Variants in PLA2G4A observed in about 807,000 individuals in gnomAD.
PLA2G4A encodes phospholipase A2 group IVA, also known as cytosolic phospholipase A2.
In PLA2G4A, 40 loss-of-function variants were observed where a neutral mutation model predicts 81.9. The ratio of observed to expected loss-of-function variants is 0.49; its 90% CI spans 0.38 to 0.64. The LOEUF (loss-of-function observed/expected upper bound fraction) is 0.64, where lower values mean the gene tolerates loss of function less well. Ranked by LOEUF, PLA2G4A falls within the 30% of genes least tolerant of loss-of-function variation. The pLI is 0.00. For missense variants in PLA2G4A, 715 were observed against 905.1 expected (o/e 0.79, Z 2.69); for synonymous variants, 302 against 296.9 (o/e 1.02, Z -0.18).
intron 5 of PLA2G4A, among the ~76,000 whole-genome samples, chr1:186,895,346 T>C (rs1331066651): frequency 6.6e-6 from 1 of 152,242 alleles, no homozygotes; most frequent in Non-Finnish European, 1.5e-5. Context: ...GAGGATGCTC[T>C]GGTCCATGCA....
At chr1:186,922,605 C>T (rs530434530) in intron 7 of PLA2G4A, among the ~76,000 whole-genome samples, 1 of 152,166 alleles carries the variant, frequency 6.6e-6, no homozygotes, top group Non-Finnish European at 1.5e-5. Context: ...ACAGGGCAGG[C>T]CTAAGCCACC....
chr1:186,951,089 T>A (rs1008702093), intron 13 of PLA2G4A, among the ~76,000 whole-genome samples: 3 of 152,148 alleles, frequency 2.0e-5, no homozygotes, highest in African/African-American at 7.2e-5. Flanking sequence ...ATTAACATTT[T>A]GTCTTTCAGA....
intron 5 of PLA2G4A, among the ~76,000 whole-genome samples, chr1:186,904,909 C>T (rs571118689): frequency 6.6e-6 from 1 of 152,064 alleles, no homozygotes; most frequent in East Asian, 1.9e-4. Context: ...GGCTGGAGTA[C>T]AGTGGCGCGA....
At chr1:186,910,304 A>T (rs1654895255) in intron 6 of PLA2G4A, among the ~76,000 whole-genome samples, 1 of 152,180 alleles carries the variant, frequency 6.6e-6, no homozygotes, top group Non-Finnish European at 1.5e-5. Flanking sequence ...AATGGTAAAG[A>T]GACAAATATT....
intron 1 of PLA2G4A, among the ~76,000 whole-genome samples, chr1:186,838,990 G>T (rs899485126): frequency 2.6e-5 from 4 of 152,034 alleles, no homozygotes; most frequent in Middle Eastern, 6.8e-3. Context: ...AGAACAGCTG[G>T]TTACCATAAT....
chr1:186,877,972 C>G (rs1653566863), intron 3 of PLA2G4A, among the ~76,000 whole-genome samples: 1 of 150,214 alleles, frequency 6.7e-6, no homozygotes, highest in South Asian at 2.1e-4. Context: ...GGAAATTTTA[C>G]AACACCTTTG....
At chr1:186,893,566 A>G (rs892641927) in intron 4 of PLA2G4A, among the ~76,000 whole-genome samples, 3 of 152,168 alleles carry the variant, frequency 2.0e-5, no homozygotes, top group Non-Finnish European at 2.9e-5. Context: ...GTTTTTGAAA[A>G]CATGATAATT....
intron 3 of PLA2G4A, among the ~76,000 whole-genome samples, chr1:186,889,773 A>T (rs978141679): frequency 6.6e-6 from 1 of 151,930 alleles, no homozygotes; most frequent in Non-Finnish European, 1.5e-5. Context: ...TTTTGTTTAG[A>T]CCTCTGTACT....
chr1:186,908,321 A>T (rs1292286125), intron 6 of PLA2G4A, among the ~76,000 whole-genome samples: 1 of 152,030 alleles, frequency 6.6e-6, no homozygotes, highest in Non-Finnish European at 1.5e-5. Context: ...CTGTTCAAAA[A>T]TTTTTTAAAA....
chr1:186,970,069 A>C (rs1657284551), intron 15 of PLA2G4A, among the ~76,000 whole-genome samples: 1 of 151,848 alleles, frequency 6.6e-6, no homozygotes, highest in South Asian at 2.1e-4. Context: ...CCTCATCAAC[A>C]CTTGTTATTT....
At chr1:186,944,870 A>C (rs6683619) in intron 10 of PLA2G4A, among the ~76,000 whole-genome samples, 96,018 of 152,000 alleles carry the variant, frequency 0.63, 33,162 homozygotes, top group Non-Finnish European at 0.76. Context: ...ATTGAGTGGG[A>C]TAAATGAATT....
chr1:186,862,020 T>A (rs931893597), intron 2 of PLA2G4A, among the ~76,000 whole-genome samples: 18 of 149,880 alleles, frequency 1.2e-4, no homozygotes, highest in African/African-American at 4.4e-4. Flanking sequence ...ATTATTAACA[T>A]GAGTGTAGAA....
chr1:186,910,913 G>A lies in PLA2G4A; in HGVS notation c.417-335G>A, dbSNP rs140499006. Among the ~76,000 whole-genome samples, 130 of 152,310 alleles carry A rather than the reference G, an allele frequency of 8.5e-4. 2 individuals are homozygous for A. The highest frequency in any genetic ancestry group is 3.0e-3 in the African/African-American group (123 of 41,574). ...GGAATTCTTGGTCAAGTAAGTTTGG[G>A]ATATCCTGTGCCAAACAAATATAAA... On this transcript the variant is annotated intron_variant, in intron 6 of 17. Coordinates refer to ENST00000367466, the MANE Select transcript of PLA2G4A (RefSeq NM_024420.3).
At chr1:186,937,435 A>G (rs112568781) in intron 8 of PLA2G4A, among the ~76,000 whole-genome samples, 10,779 of 138,862 alleles carry the variant, frequency 0.078, 526 homozygotes, top group Middle Eastern at 0.14. Flanking sequence ...CAAGTATTCA[A>G]AGCTGCATTT....
chr1:186,841,051 TTTA>T (rs1558350108), intron 1 of PLA2G4A, among the ~76,000 whole-genome samples: 1 of 152,220 alleles, frequency 6.6e-6, no homozygotes, highest in African/African-American at 2.4e-5. Context: ...GTCAGTCTCT[TTTA>T]AGTAGAAGTC....
rs186466240 is a variant in PLA2G4A at position 186,912,808 on chromosome 1, A to G, written c.558+1419A>G. Among the ~76,000 whole-genome samples the G allele has an allele frequency of 4.9e-3, 697 of 142,362 alleles. 6 individuals are homozygous for G. The highest frequency in any genetic ancestry group is 0.018 in the African/African-American group (666 of 37,674). The allele number at this position is 142,362 out of a possible 152,430, so 93.4% of individuals were successfully genotyped here. A position where few individuals can be genotyped will look rare whatever the true frequency, so the allele number is the denominator to read the frequency against. Reference sequence around the variant, plus strand: ...CTTATATATATATGTATATATATATATACATATATATGTATCTAATATAAG... The same window carrying G: ...CTTATATATATATGTATATATATATGTACATATATATGTATCTAATATAAG... On this transcript the variant is annotated intron_variant, in intron 7 of 17. Coordinates refer to ENST00000367466, the MANE Select transcript of PLA2G4A (RefSeq NM_024420.3).
intron 3 of PLA2G4A, among the ~76,000 whole-genome samples, chr1:186,884,721 C>T (rs982836857): frequency 1.3e-5 from 2 of 151,628 alleles, no homozygotes; most frequent in African/African-American, 4.8e-5. Context: ...CTACTAAAAA[C>T]ACAAAAAATT....
chr1:186,972,992 C>T (rs981583923), intron 15 of PLA2G4A, among the ~76,000 whole-genome samples: 1 of 152,172 alleles, frequency 6.6e-6, no homozygotes, highest in Non-Finnish European at 1.5e-5. Flanking sequence ...CACATCACAG[C>T]CAAATCAGTC....
chr1:186,909,061 C>T (rs1654844507), intron 6 of PLA2G4A, among the ~76,000 whole-genome samples: 1 of 144,404 alleles, frequency 6.9e-6, no homozygotes, highest in South Asian at 2.2e-4. Flanking sequence ...GCAAGCTCTG[C>T]CTCCCAGGTT....
Sources: allele counts gnomAD v4.1 joint callset (sites outside exome capture counted in the v4.1 genomes callset), GRCh38; gene constraint gnomAD v4.1.1; transcripts MANE v1.5; gene names NCBI Gene and HGNC (gene_info 2026-07-23, HGNC 2026-07-21).